EYS: variants seen among roughly 807,000 people sequenced by gnomAD.
EYS encodes the protein EGF-like photoreceptor maintenance factor.
In EYS, 250 loss-of-function variants were observed where a neutral mutation model predicts 282.1. That is an observed-to-expected ratio of 0.89 (90% CI 0.80 to 0.98). The LOEUF is 0.98. EYS is among the 50% of genes least tolerant of loss of function. The pLI is 0.00. For missense variants in EYS, 4,016 were observed against 3,709.0 expected (o/e 1.08, Z -2.15); for synonymous variants, 1,355 against 1,282.9 (o/e 1.06, Z -1.20).
chr6:64,078,348 A>G (rs1371819472), intron 32 of EYS, among the ~76,000 whole-genome samples: 2 of 152,062 alleles, frequency 1.3e-5, no homozygotes, highest in Non-Finnish European at 2.9e-5. Flanking sequence ...CCTACACATA[A>G]TATACTGATT....
chr6:65,392,808 C>A (rs1227064855), intron 7 of EYS, among the ~76,000 whole-genome samples: 5 of 151,008 alleles, frequency 3.3e-5, no homozygotes, highest in Non-Finnish European at 7.4e-5. Context: ...TTGACCCAGC[C>A]ATCCCATTAC....
chr6:65,207,370 A>T (rs550850333), intron 12 of EYS, among the ~76,000 whole-genome samples: 1 of 151,766 alleles, frequency 6.6e-6, no homozygotes, highest in African/African-American at 2.4e-5. Flanking sequence ...TGAAAAAAAA[A>T]AATTGTAGAT....
At chr6:65,600,942 T>C (rs1765597569) in intron 2 of EYS, among the ~76,000 whole-genome samples, 1 of 151,988 alleles carries the variant, frequency 6.6e-6, no homozygotes, top group Non-Finnish European at 1.5e-5. Flanking sequence ...GGGATTTTAG[T>C]ACAACTCATG....
At chr6:65,601,390 C>A (rs1360078602) in intron 2 of EYS, among the ~76,000 whole-genome samples, 2 of 151,856 alleles carry the variant, frequency 1.3e-5, no homozygotes, top group African/African-American at 4.8e-5. Context: ...AGTCCCCATA[C>A]AATTGTCTGA....
At chr6:64,526,035 A>G (rs1777907396) in intron 26 of EYS, among the ~76,000 whole-genome samples, 1 of 151,938 alleles carries the variant, frequency 6.6e-6, no homozygotes, top group Non-Finnish European at 1.5e-5. Flanking sequence ...TAGAAGTGAT[A>G]ACCTAGATAA....
rs559078881 is a variant in EYS at position 64,388,743 on chromosome 6, T to C, written c.6025A>G (p.Lys2009Glu). ...CCACCAATGAAGACAGATCCTGATT[T>C]TGGCAGGGGTTTTCCGAGTACATGA... ...INHVLGKPLP[K>E]SGSVFIGGFP... is the part of the protein sequence containing the mutation. Residue 2009 changes from lysine (K) to glutamate (E), a missense_variant, in exon 29 of 43, where the codon AAA becomes GAA. Lys to Glu is a moderately conservative substitution (Grantham distance 56). Transcript: ENST00000503581. The C allele has an allele frequency of 5.5e-4, 849 of 1,544,872 alleles. 7 individuals are homozygous for C. The South Asian group carries it at 9.7e-3, about 18-fold the overall frequency.
At chr6:64,564,373 G>T (rs1765496059) in intron 26 of EYS, among the ~76,000 whole-genome samples, 1 of 135,776 alleles carries the variant, frequency 7.4e-6, no homozygotes, top group Non-Finnish European at 1.5e-5. Flanking sequence ...TGCCTCCCGG[G>T]TTCAAGCAAT....
chr6:65,315,907 A>G (rs1240628357), intron 11 of EYS, among the ~76,000 whole-genome samples: 3 of 149,312 alleles, frequency 2.0e-5, no homozygotes, highest in Non-Finnish European at 4.5e-5. Flanking sequence ...CTACATATCC[A>G]TGTCAGCAGT....
chr6:65,094,911 G>A (rs561565192), intron 12 of EYS, among the ~76,000 whole-genome samples: 75 of 151,214 alleles, frequency 5.0e-4, no homozygotes, highest in African/African-American at 1.8e-3. Flanking sequence ...TGTCAACAAA[G>A]TAAAGAGTTG....
At chr6:65,191,759 T>C (rs1582000672) in intron 12 of EYS, among the ~76,000 whole-genome samples, 1 of 151,802 alleles carries the variant, frequency 6.6e-6, no homozygotes, top group South Asian at 2.1e-4. Flanking sequence ...ACACTGTAGA[T>C]TGATATGCTA....
chr6:64,636,329 A>G (rs1767979404), intron 22 of EYS, among the ~76,000 whole-genome samples: 2 of 152,354 alleles, frequency 1.3e-5, no homozygotes, highest in South Asian at 2.1e-4. Flanking sequence ...GACAAAAACA[A>G]GAAATGAGGA....
chr6:63,968,351 T>C (rs1482467286), intron 35 of EYS, among the ~76,000 whole-genome samples: 1 of 152,208 alleles, frequency 6.6e-6, no homozygotes, highest in Non-Finnish European at 1.5e-5. Flanking sequence ...GTCTTGGTTA[T>C]GGGCTTATAT....
intron 30 of EYS, among the ~76,000 whole-genome samples, chr6:64,298,262 G>A (rs1922962): frequency 0.75 from 114,580 of 152,036 alleles, 43,796 homozygotes; most frequent in African/African-American, 0.89. Context: ...CATTAAAATT[G>A]TTCTAATAGT....
intron 22 of EYS, among the ~76,000 whole-genome samples, chr6:64,800,770 A>G (rs1206163457): frequency 6.6e-6 from 1 of 151,984 alleles, no homozygotes. Context: ...TCATATTGAT[A>G]GTTTTTTTGT....
At chr6:64,483,613 G>A (rs191137347) in intron 26 of EYS, among the ~76,000 whole-genome samples, 5 of 151,636 alleles carry the variant, frequency 3.3e-5, no homozygotes, top group African/African-American at 1.2e-4. Flanking sequence ...TCATAGTTTT[G>A]AAGAGGCAGG....
intron 13 of EYS, among the ~76,000 whole-genome samples, chr6:65,056,070 T>C (rs9363329): frequency 0.064 from 9,799 of 152,118 alleles, 403 homozygotes; most frequent in East Asian, 0.088. Context: ...TCTCATTTAT[T>C]CATTCAACCA....
intron 33 of EYS, among the ~76,000 whole-genome samples, chr6:64,013,961 A>T (rs1487060785): frequency 6.6e-6 from 1 of 152,154 alleles, no homozygotes; most frequent in Non-Finnish European, 1.5e-5. Flanking sequence ...GATAGTATTT[A>T]ATTTTATTCT....
At chr6:64,044,511 G>A (rs1397445206) in intron 33 of EYS, among the ~76,000 whole-genome samples, 1 of 152,180 alleles carries the variant, frequency 6.6e-6, no homozygotes, top group African/African-American at 2.4e-5. Flanking sequence ...CATGTAAGGT[G>A]AGTGGCCATA....
At chr6:64,272,544 C>A (rs1337252336) in intron 30 of EYS, among the ~76,000 whole-genome samples, 1 of 152,110 alleles carries the variant, frequency 6.6e-6, no homozygotes, top group Non-Finnish European at 1.5e-5. Context: ...CTTAGTTTGG[C>A]TGGATATGTA....
Sources: allele counts gnomAD v4.1 joint callset (sites outside exome capture counted in the v4.1 genomes callset), GRCh38; gene constraint gnomAD v4.1.1; transcripts MANE v1.5; gene names NCBI Gene and HGNC (gene_info 2026-07-23, HGNC 2026-07-21).